The following HS3ST5 variants were observed in gnomAD, a reference collection of about 807,000 sequenced individuals.
HS3ST5 encodes heparan sulfate glucosamine 3-O-sulfotransferase 5.
A neutral mutation model predicts 25.4 loss-of-function variants in HS3ST5; 10 were observed. The observed-to-expected ratio is 0.39, with a 90% confidence interval of 0.24 to 0.67. HS3ST5 has a LOEUF of 0.67. HS3ST5 is among the 30% of genes least tolerant of loss of function. The pLI, the probability that HS3ST5 is intolerant of heterozygous loss-of-function variation, is 0.44. For synonymous variants in HS3ST5, 170 were observed against 162.4 expected, an observed-to-expected ratio of 1.05 and a Z score of -0.36; for missense variants, 324 against 420.7, an observed-to-expected ratio of 0.77 and a Z score of 2.01.
chr6:114,229,665 C>T (rs964306259), intron 1 of HS3ST5, among the ~76,000 whole-genome samples: 1 of 152,218 alleles, frequency 6.6e-6, no homozygotes, highest in Non-Finnish European at 1.5e-5. Context: ...TTTGGCTCCC[C>T]ATTTGGGCTC....
At chr6:114,233,192 G>A (rs186264857) in intron 1 of HS3ST5, among the ~76,000 whole-genome samples, 17 of 151,924 alleles carry the variant, frequency 1.1e-4, no homozygotes, top group Middle Eastern at 3.4e-3. Context: ...AGCACCTTGT[G>A]TTAAAAATGT....
intron 2 of HS3ST5, among the ~76,000 whole-genome samples, chr6:114,200,940 CT>C (rs1260038455): frequency 6.6e-6 from 1 of 152,124 alleles, no homozygotes; most frequent in Non-Finnish European, 1.5e-5. Flanking sequence ...TAAGATATAA[CT>C]TAATTTATTA....
intron 2 of HS3ST5, among the ~76,000 whole-genome samples, chr6:114,221,961 G>A (rs997180169): frequency 1.3e-5 from 2 of 150,628 alleles, no homozygotes; most frequent in Non-Finnish European, 3.0e-5. Context: ...ATTGCTTGGG[G>A]AGAGCTTGTA....
rs1772783271 is a variant in HS3ST5 at position 114,056,606 on chromosome 6, TTC to T, written c.*649_*650del. The T allele has an allele frequency of 6.6e-6, 1 of 152,232 alleles. No homozygotes were observed. Among genetic ancestry groups the T allele is most frequent in the Non-Finnish European group, 1.5e-5 (1 of 68,056 alleles). The allele number at this position is 152,232 out of a possible 1,614,324, so 9.4% of individuals were successfully genotyped here. A position where few individuals can be genotyped will look rare whatever the true frequency, so the allele number is the denominator to read the frequency against. On this transcript the variant is annotated 3_prime_UTR_variant, in exon 5 of 5. Coordinates refer to ENST00000312719, the MANE Select transcript of HS3ST5 (RefSeq NM_153612.4). ...ACAATATACATTATGTACATGACAT[TTC>T]TCTCTGTTGACATACAACATGGAAG...
chr6:114,291,290 T>C (rs776659405), intron 1 of HS3ST5, among the ~76,000 whole-genome samples: 1 of 152,146 alleles, frequency 6.6e-6, no homozygotes, highest in Non-Finnish European at 1.5e-5. Context: ...AGCCATCCAA[T>C]CTCTGAAGAG....
At chr6:114,094,954 T>G (rs768050344) in intron 3 of HS3ST5, among the ~76,000 whole-genome samples, 1 of 152,116 alleles carries the variant, frequency 6.6e-6, no homozygotes, top group Non-Finnish European at 1.5e-5. Context: ...CTGAATGCTG[T>G]CAACAACCAC....
At chr6:114,316,237 A>C (rs1449535036) in intron 1 of HS3ST5, among the ~76,000 whole-genome samples, 3 of 152,228 alleles carry the variant, frequency 2.0e-5, no homozygotes, top group Non-Finnish European at 4.4e-5. Context: ...GTATTTTAGT[A>C]GTCTGTCTGT....
In HS3ST5 at chr6:114,112,397, A is replaced by T; in HGVS notation, c.-32-49520T>A. On this transcript the variant is annotated intron_variant, in intron 3 of 4. Transcript: ENST00000312719. ...GAAGCTGGAAAAGGCAAAGAAATGG[A>T]TTCTTCCTTAGTGCCTCCAGAAGGA... 2 of 152,264 alleles carry T rather than the reference A, an allele frequency of 1.3e-5. 1 individual carries two copies. Among genetic ancestry groups the T allele is most frequent in the Non-Finnish European group, 2.9e-5 (2 of 68,086 alleles). 9.4% of individuals were successfully genotyped at this position (152,264 alleles called of 1,614,324 possible).
chr6:114,088,855 T>A (rs1202469137), intron 3 of HS3ST5: 2 of 152,028 alleles, frequency 1.3e-5, no homozygotes, highest in East Asian at 3.9e-4. Flanking sequence ...AGAACAAAAA[T>A]CTTCAGAGAG....
At chr6:114,090,563 G>A (rs1468105330) in intron 3 of HS3ST5, among the ~76,000 whole-genome samples, 1 of 152,100 alleles carries the variant, frequency 6.6e-6, no homozygotes, top group Non-Finnish European at 1.5e-5. Context: ...GTTACTATGG[G>A]TATGCTATGT....
chr6:114,315,474 G>C (rs1293579517), intron 1 of HS3ST5, among the ~76,000 whole-genome samples: 1 of 152,048 alleles, frequency 6.6e-6, no homozygotes, highest in African/African-American at 2.4e-5. Flanking sequence ...AACAATCATA[G>C]AGCTTAATGA....
chr6:114,182,415 T>C (rs1248157126), intron 2 of HS3ST5, among the ~76,000 whole-genome samples: 1 of 152,224 alleles, frequency 6.6e-6, no homozygotes, highest in Non-Finnish European at 1.5e-5. Context: ...TTCTAGAGAA[T>C]AGTCATAGAA....
intron 1 of HS3ST5, among the ~76,000 whole-genome samples, chr6:114,328,527 C>G (rs867066673): frequency 3.9e-5 from 6 of 152,310 alleles, no homozygotes; most frequent in Middle Eastern, 3.4e-3. Context: ...CACTTTACAG[C>G]TACTGTCTTT....
intron 2 of HS3ST5, among the ~76,000 whole-genome samples, chr6:114,191,614 A>G (rs1419335333): frequency 1.3e-5 from 2 of 152,118 alleles, no homozygotes; most frequent in African/African-American, 4.8e-5. Flanking sequence ...TTCAGCATTA[A>G]GTTGAGTGAG....
rs536821736 is a variant in HS3ST5 at position 114,252,800 on chromosome 6, G to A, written c.-338-24022C>T. ...TTCATAGATCAGGTTGTCTTCCTGC[G>A]TAGTCGCAATTTGGAGCAATGCTAT... On this transcript the variant is annotated intron_variant, in intron 1 of 4. Coordinates refer to ENST00000312719, the MANE Select transcript of HS3ST5 (RefSeq NM_153612.4). Among the ~76,000 whole-genome samples the A allele has an allele frequency of 2.0e-4, 31 of 152,278 alleles. No homozygotes were observed. The South Asian group carries it at 2.9e-3, about 14-fold the overall frequency.
chr6:114,111,531 C>T (rs948298666), intron 3 of HS3ST5, among the ~76,000 whole-genome samples: 2 of 152,162 alleles, frequency 1.3e-5, no homozygotes, highest in African/African-American at 2.4e-5. Context: ...CTCTGCCTCC[C>T]TGGGTGACAG....
chr6:114,306,091 G>A (rs1775275306), intron 1 of HS3ST5, among the ~76,000 whole-genome samples: 1 of 151,810 alleles, frequency 6.6e-6, no homozygotes, highest in South Asian at 2.1e-4. Context: ...GGGAGTCTTT[G>A]CCTGAATGTA....
chr6:114,296,531 A>C (rs1774830715), intron 1 of HS3ST5, among the ~76,000 whole-genome samples: 1 of 152,226 alleles, frequency 6.6e-6, no homozygotes, highest in Non-Finnish European at 1.5e-5. Flanking sequence ...AATTAGTAAT[A>C]GGATTTCTAA....
At chr6:114,300,722 T>C (rs964788657) in intron 1 of HS3ST5, among the ~76,000 whole-genome samples, 25 of 152,194 alleles carry the variant, frequency 1.6e-4, no homozygotes, top group African/African-American at 6.0e-4. Context: ...CACAGCAGCA[T>C]TACTCATGAT....
Sources: gnomAD v4.1 joint callset for allele counts (sites outside exome capture counted in the v4.1 genomes callset) on GRCh38, gnomAD v4.1.1 for gene constraint, MANE v1.5 for transcripts, NCBI Gene and HGNC (gene_info 2026-07-23, HGNC 2026-07-21) for gene names.